The following KHDRBS2 variants were observed in gnomAD, a reference collection of about 807,000 sequenced individuals.
The protein encoded by KHDRBS2 is KH RNA binding domain containing, signal transduction associated 2, also known as KH domain-containing, RNA-binding, signal transduction-associated protein 2.
Under a neutral mutation model 44.3 loss-of-function variants are expected in KHDRBS2, and 26 were observed. The observed-to-expected ratio is 0.59, with a 90% CI of 0.43 to 0.81. The LOEUF (loss-of-function observed/expected upper bound fraction) is 0.81. Among genes scored for constraint, KHDRBS2 ranks in the 40% least tolerant of loss-of-function variants. The pLI, the probability that KHDRBS2 is intolerant of heterozygous loss-of-function variation, is 0.00. For synonymous variants in KHDRBS2, 194 were observed against 151.1 expected (o/e 1.28, Z -2.08); for missense variants, 476 against 433.1 (o/e 1.10, Z -0.88).
At chr6:61,715,983 A>AT (rs1554169469) in intron 7 of KHDRBS2, among the ~76,000 whole-genome samples, 5 of 149,680 alleles carry the variant, frequency 3.3e-5, no homozygotes, top group East Asian at 2.0e-4. Context: ...AAATGGCTAC[A>AT]TTTTTTTTTC....
chr6:61,919,089 A>T (rs963483556), intron 4 of KHDRBS2, among the ~76,000 whole-genome samples: 1 of 151,968 alleles, frequency 6.6e-6, no homozygotes, highest in African/African-American at 2.4e-5. Context: ...AGGTAACCAC[A>T]TACCATCCTC....
chr6:62,235,696 T>A (rs1326299668), intron 1 of KHDRBS2, among the ~76,000 whole-genome samples: 1 of 152,056 alleles, frequency 6.6e-6, no homozygotes, highest in African/African-American at 2.4e-5. Context: ...TCTGAGTCCA[T>A]TTAAAATTTA....
chr6:61,991,599 G>A (rs949263282), intron 3 of KHDRBS2, among the ~76,000 whole-genome samples: 17 of 152,224 alleles, frequency 1.1e-4, no homozygotes, highest in African/African-American at 4.1e-4. Context: ...GATGTTGAAA[G>A]GGTGAGTCGT....
At chr6:61,630,853 G>T in the KHDRBS2 span, among the ~76,000 whole-genome samples, 1 of 152,140 alleles carries the variant, frequency 6.6e-6, no homozygotes, top group Non-Finnish European at 1.5e-5. Flanking sequence ...GTGCTGAGTT[G>T]AATAGTGAAC....
intron 4 of KHDRBS2, among the ~76,000 whole-genome samples, chr6:61,949,275 T>C (rs1764252290): frequency 1.3e-5 from 2 of 152,134 alleles, no homozygotes; most frequent in Admixed American, 6.6e-5. Context: ...TCAATCTGCT[T>C]TGAACTCAGA....
intron 6 of KHDRBS2, among the ~76,000 whole-genome samples, chr6:61,854,285 G>T (rs1310178900): frequency 6.6e-6 from 1 of 151,388 alleles, no homozygotes; most frequent in East Asian, 1.9e-4. Context: ...TCATATTTTT[G>T]CTTAGTTCTA....
At chr6:61,693,798 G>C (rs966378520) in intron 8 of KHDRBS2, among the ~76,000 whole-genome samples, 2 of 152,096 alleles carry the variant, frequency 1.3e-5, no homozygotes, top group African/African-American at 4.8e-5. Context: ...AACAGCAGGA[G>C]AACCAGACTA....
Position 61,755,748 on chromosome 6 carries a change from C to T in KHDRBS2, c.811-22984G>A, listed in dbSNP as rs192810028. The stretch of plus-strand genomic sequence containing the variant: ...CTGGGAGGCGGAGGTTGCAGTGAGC[C>T]GAGATAAGGCCATTGCACTCCAGCC... On this transcript the variant is annotated intron_variant, in intron 6 of 8. Transcript: ENST00000281156. Among the ~76,000 whole-genome samples the T allele has an allele frequency of 2.8e-3, 408 of 146,536 alleles. 2 individuals carry two copies. The highest frequency in any genetic ancestry group is 3.8e-3 in the Non-Finnish European group (255 of 67,342).
chr6:62,107,591 T>A (rs1371352059), intron 2 of KHDRBS2, among the ~76,000 whole-genome samples: 2 of 152,022 alleles, frequency 1.3e-5, no homozygotes, highest in Admixed American at 1.3e-4. Flanking sequence ...TGGAAAAAAA[T>A]ACTTTAAACT....
chr6:61,561,142 G>C, the KHDRBS2 span, among the ~76,000 whole-genome samples: 13 of 152,112 alleles, frequency 8.5e-5, no homozygotes, highest in Non-Finnish European at 1.8e-4. Context: ...TTACCAATTA[G>C]AGACTTGTCT....
At chr6:61,605,768 C>T in the KHDRBS2 span, among the ~76,000 whole-genome samples, 1 of 152,108 alleles carries the variant, frequency 6.6e-6, no homozygotes, top group Admixed American at 6.5e-5. Flanking sequence ...TTTCACCACC[C>T]CAACACTTTA....
chr6:62,001,084 CATT>C (rs1366996687), intron 3 of KHDRBS2, among the ~76,000 whole-genome samples: 1 of 152,104 alleles, frequency 6.6e-6, no homozygotes, highest in African/African-American at 2.4e-5. Context: ...CTCATTCAGA[CATT>C]ATTGGAATAG....
intron 2 of KHDRBS2, among the ~76,000 whole-genome samples, chr6:62,066,080 TA>T (rs1045354571): frequency 3.3e-5 from 5 of 151,848 alleles, no homozygotes; most frequent in South Asian, 4.1e-4. Flanking sequence ...ACAACTGTAT[TA>T]GGGGTACATT....
intron 7 of KHDRBS2, among the ~76,000 whole-genome samples, chr6:61,722,419 G>A (rs1166663372): frequency 6.6e-6 from 1 of 152,082 alleles, no homozygotes; most frequent in Non-Finnish European, 1.5e-5. Flanking sequence ...TTGTTACCTT[G>A]TGAACCTCCT....
chr6:61,794,455 C>G (rs1785038927), intron 6 of KHDRBS2, among the ~76,000 whole-genome samples: 1 of 152,114 alleles, frequency 6.6e-6, no homozygotes, highest in East Asian at 1.9e-4. Context: ...GCTACTGAAG[C>G]ATTTGTACGT....
chr6:61,551,558 G>T, the KHDRBS2 span, among the ~76,000 whole-genome samples: 5 of 152,016 alleles, frequency 3.3e-5, no homozygotes, highest in African/African-American at 9.7e-5. Context: ...TAAGGGTGGG[G>T]TCCAGTTTCA....
chr6:62,022,866 G>C (rs1782600486), intron 3 of KHDRBS2, among the ~76,000 whole-genome samples: 2 of 151,492 alleles, frequency 1.3e-5, no homozygotes. Context: ...TTGTTTTCCT[G>C]TTAATTTGCC....
chr6:61,976,442 C>A (rs1190362839), intron 4 of KHDRBS2, among the ~76,000 whole-genome samples: 1 of 151,948 alleles, frequency 6.6e-6, no homozygotes, highest in Non-Finnish European at 1.5e-5. Flanking sequence ...GTTAACTTAG[C>A]CTACAGAGTA....
At chr6:61,865,336 C>T (rs1797617079) in intron 6 of KHDRBS2, among the ~76,000 whole-genome samples, 1 of 152,142 alleles carries the variant, frequency 6.6e-6, no homozygotes, top group Admixed American at 6.5e-5. Context: ...TTTTAATGGA[C>T]TCACAGTTCC....
Sources: allele counts gnomAD v4.1 joint callset (sites outside exome capture counted in the v4.1 genomes callset), GRCh38; gene constraint gnomAD v4.1.1; transcripts MANE v1.5; gene names NCBI Gene and HGNC (gene_info 2026-07-23, HGNC 2026-07-21).